Variants in ARL6IP1 observed in about 807,000 individuals in gnomAD.
ARL6IP1 encodes the protein ADP-ribosylation factor-like protein 6-interacting protein 1.
ARL6IP1 carries 16 observed loss-of-function variants against 30.1 expected under a neutral mutation model. The observed-to-expected ratio is 0.53, with a 90% CI of 0.36 to 0.81. The LOEUF is 0.81. Ranked by LOEUF, ARL6IP1 falls within the 30% of genes least tolerant of loss-of-function variation. ARL6IP1 has a pLI of 0.01. For synonymous variants in ARL6IP1, 72 were observed against 84.8 expected, an observed-to-expected ratio of 0.85 and a Z score of 0.83; for missense variants, 173 against 242.7, an observed-to-expected ratio of 0.71 and a Z score of 1.91.
At chr16:18,798,963 A>G in intron 1 of ARL6IP1, 129 bp from the exon 2 acceptor site, 1 of 1,045,822 alleles carries the variant, frequency 9.6e-7, no homozygotes. Context: ...ATTTTAAACT[A>G]GTTGGTTTCT....
At chr16:18,799,369 A>G (rs568804024) in intron 1 of ARL6IP1, among the ~76,000 whole-genome samples, 78 of 152,308 alleles carry the variant, frequency 5.1e-4, no homozygotes, top group African/African-American at 1.8e-3. Context: ...CTTTATATAC[A>G]TGATGTAACT....
chr16:18,799,010 TTTTTTTG>T (rs2141873537), intron 1 of ARL6IP1, among the ~76,000 whole-genome samples, 176 bp from the exon 2 acceptor site: 1 of 152,122 alleles, frequency 6.6e-6, no homozygotes, highest in South Asian at 2.1e-4. Context: ...ATACAATGGG[TTTTTTTG>T]TTTTTTGTGT....
intron 1 of ARL6IP1, among the ~76,000 whole-genome samples, chr16:18,799,870 T>G (rs1054411655): frequency 6.6e-6 from 1 of 152,190 alleles, no homozygotes; most frequent in African/African-American, 2.4e-5. Flanking sequence ...TAAAGCTGGT[T>G]TTGGTAAAGG....
At position 18,797,925 on chromosome 16, in the gene ARL6IP1, C is replaced by T; in HGVS notation, c.290G>A (p.Trp97Ter). 1.2e-6 allele frequency: 2 copies of T among 1,609,628 alleles called. No homozygotes were observed. Among genetic ancestry groups the T allele is most frequent in the Non-Finnish European group, 1.7e-6 (2 of 1,178,818 alleles). ...LAPRIFGSNK[W>*]TTEQQQRFHE... ...ACTGCCAAATCATTATGCTACCTACCATTTATTGGAGCCAAAAATTCTAGG... is the reference window on the plus strand; with the variant it reads ...ACTGCCAAATCATTATGCTACCTACTATTTATTGGAGCCAAAAATTCTAGG... Residue 97 changes from tryptophan to a stop codon, truncating the protein, a stop_gained and splice_region_variant, in exon 3 of 6, where the codon TGG (tryptophan) becomes TAG (stop). Transcript: ENST00000304414. LOFTEE classifies it high-confidence loss of function.
intron 2 of ARL6IP1, 193 bp from the exon 3 acceptor site, chr16:18,798,237 A>C: frequency 2.1e-6 from 1 of 483,312 alleles, no homozygotes; most frequent in Non-Finnish European, 3.6e-6. Context: ...GGTTAAGTAT[A>C]TATCAATGGA....
At chr16:18,797,727 A>C (rs1169432066) in intron 3 of ARL6IP1, 198 bp downstream of exon 3, 1 of 551,340 alleles carries the variant, frequency 1.8e-6, no homozygotes, top group African/African-American at 1.9e-5. Context: ...CATTTACCAT[A>C]AAAGAACTAT....
chr16:18,793,140 T>G lies in ARL6IP1; in HGVS notation c.*112A>C. The G allele has an allele frequency of 1.4e-6, 1 of 694,318 alleles. No homozygotes were observed. Among genetic ancestry groups the G allele is most frequent in the Non-Finnish European group, 2.4e-6 (1 of 409,142 alleles). The allele number at this position is 694,318 out of a possible 1,614,324, so 43.0% of individuals were successfully genotyped here. On this transcript the variant is annotated 3_prime_UTR_variant, in exon 6 of 6. Transcript: ENST00000304414. ...GAATTTCTATTAACTAAGGGCAGAG[T>G]GAGGGAGAACAAAGAGCTACTTCCG...
chr16:18,794,498 T>A, intron 5 of ARL6IP1, 101 bp downstream of exon 5: 1 of 764,234 alleles, frequency 1.3e-6, no homozygotes, highest in Non-Finnish European at 2.2e-6. Context: ...CAGTTCCTTT[T>A]CGGTGTCTAA....
At chr16:18,797,248 G>A (rs1351772690) in intron 3 of ARL6IP1, among the ~76,000 whole-genome samples, 1 of 151,864 alleles carries the variant, frequency 6.6e-6, no homozygotes, top group African/African-American at 2.4e-5. Flanking sequence ...AGCCAGGTGT[G>A]GTGGTGGGCA....
Position 18,801,424 on chromosome 16 carries a change from G to T in ARL6IP1, c.36+7C>A, listed in dbSNP as rs1351034975. On this transcript the variant is annotated splice_region_variant and intron_variant, in intron 1 of 5. Coordinates refer to ENST00000304414, the MANE Select transcript of ARL6IP1 (RefSeq NM_015161.3). ...CGGCTCCCGGGGGACAGGCAGCCAG[G>T]ACTCACCAGCAGGTTGGTGCTGCGA... is the stretch of plus-strand genomic sequence containing the variant. 1 of 1,612,842 alleles carries T rather than the reference G, an allele frequency of 6.2e-7. No individual in the cohort carries two copies. The highest frequency in any genetic ancestry group is 2.2e-5 in the East Asian group (1 of 44,834).
chr16:18,794,505 C>CT (rs2030169300), intron 5 of ARL6IP1, 94 bp downstream of exon 5: 3 of 871,442 alleles, frequency 3.4e-6, no homozygotes, highest in Non-Finnish European at 5.6e-6. Context: ...TTTTCGGTGT[C>CT]TAAAACTTAG....
At position 18,793,161 on chromosome 16, in the gene ARL6IP1, T is replaced by C. The variant is rs2030118260; in HGVS notation, c.*91A>G. On this transcript the variant is annotated 3_prime_UTR_variant, in exon 6 of 6. Transcript: ENST00000304414. The stretch of plus-strand genomic sequence containing the variant: ...AGAGTGAGGGAGAACAAAGAGCTAC[T>C]TCCGTAACATTTTAGTATCCAGATA... 3.7e-6 allele frequency: 3 copies of C among 816,182 alleles called. No individual in the cohort carries two copies. Among genetic ancestry groups the C allele is most frequent in the African/African-American group, 1.7e-5 (1 of 57,314 alleles). 50.6% of individuals were successfully genotyped at this position (816,182 alleles called of 1,614,324 possible).
intron 1 of ARL6IP1, among the ~76,000 whole-genome samples, chr16:18,799,868 G>A (rs1316374228): frequency 6.6e-6 from 1 of 152,188 alleles, no homozygotes; most frequent in Non-Finnish European, 1.5e-5. Context: ...CTTAAAGCTG[G>A]TTTTGGTAAA....
intron 3 of ARL6IP1, among the ~76,000 whole-genome samples, chr16:18,796,634 C>CTTA (rs1277212628): frequency 6.6e-6 from 1 of 152,202 alleles, no homozygotes; most frequent in East Asian, 1.9e-4. Context: ...TTTGCTAACT[C>CTTA]TGTTATACTG....
intron 2 of ARL6IP1, 186 bp from the exon 3 acceptor site, chr16:18,798,230 T>C (rs978308684): frequency 1.9e-6 from 1 of 529,658 alleles, no homozygotes; most frequent in African/African-American, 2.0e-5. Context: ...CTGCAGTGGT[T>C]AAGTATATAT....
At chr16:18,793,509 G>C (rs971447069) in intron 5 of ARL6IP1, 139 bp from the exon 6 acceptor site, 9 of 536,176 alleles carry the variant, frequency 1.7e-5, no homozygotes, top group Non-Finnish European at 2.3e-5. Context: ...TTGGCTCACC[G>C]CAACCTCCGC....
In ARL6IP1 at chr16:18,794,755, CAATT is replaced by C. The variant is rs1289882623; in HGVS notation, c.409-76_409-73del. 6.4e-6 allele frequency: 7 copies of C among 1,088,980 alleles called. No homozygotes were observed. The Admixed American group carries it at 8.5e-5, about 13-fold the overall frequency. 67.5% of individuals were successfully genotyped at this position (1,088,980 alleles called of 1,614,324 possible). On this transcript the variant is annotated intron_variant, in intron 4 of 5. Transcript: ENST00000304414. ...ATAAATATATGTAATTTTTATTTGT[CAATT>C]AAAGAAGAATGTGTTTCAAAGTTCG...
chr16:18,800,728 A>T (rs1481165759), intron 1 of ARL6IP1, among the ~76,000 whole-genome samples: 1 of 152,184 alleles, frequency 6.6e-6, no homozygotes, highest in East Asian at 1.9e-4. Context: ...TTTGCCCACA[A>T]GGTGCGCTTA....
At position 18,794,784 on chromosome 16, in the gene ARL6IP1, G is replaced by A. The variant is rs1415789979; in HGVS notation, c.409-101C>T. Reference sequence around the variant, plus strand: ...TAAAGAAGAATGTGTTTCAAAGTTCGGGAAATAATTTAGCTTTTATTATCA... The same window carrying A: ...TAAAGAAGAATGTGTTTCAAAGTTCAGGAAATAATTTAGCTTTTATTATCA... On this transcript the variant is annotated intron_variant, in intron 4 of 5. Transcript: ENST00000304414. The A allele has an allele frequency of 3.1e-5, 25 of 810,338 alleles. No individual in the cohort carries two copies. In the Admixed American group the frequency reaches 5.5e-4, roughly 18 times the overall value. 50.2% of individuals were successfully genotyped at this position (810,338 alleles called of 1,614,324 possible).
Sources: allele counts gnomAD v4.1 joint callset (sites outside exome capture counted in the v4.1 genomes callset), GRCh38; gene constraint gnomAD v4.1.1; transcripts MANE v1.5; gene names NCBI Gene and HGNC (gene_info 2026-07-23, HGNC 2026-07-21).